ELOVL5: variants seen among roughly 807,000 people sequenced by gnomAD.
ELOVL5 encodes the protein ELOVL fatty acid elongase 5, also known as very long chain fatty acid elongase 5.
ELOVL5 carries 8 observed loss-of-function variants against 38.6 expected under a neutral mutation model. The ratio of observed to expected loss-of-function variants is 0.21; its 90% confidence interval spans 0.12 to 0.37. ELOVL5 has a LOEUF of 0.37. ELOVL5 is among the 10% of genes least tolerant of loss of function. The probability of loss-of-function intolerance (pLI) is 1.00; values close to 1 mark genes in which losing one functional copy is unlikely to be tolerated. For missense variants in ELOVL5, 280 were observed against 367.8 expected, an observed-to-expected ratio of 0.76 and a Z score of 1.95; for synonymous variants, 127 against 133.7, an observed-to-expected ratio of 0.95 and a Z score of 0.34.
chr6:53,292,021 G>T, intron 2 of ELOVL5, 58 bp from the exon 3 acceptor site: 1 of 1,187,032 alleles, frequency 8.4e-7, no homozygotes, highest in Non-Finnish European at 1.2e-6. Context: ...TTCAAACGTT[G>T]AAAAAATTTC....
chr6:53,272,420 A>C (rs908524756), intron 6 of ELOVL5, among the ~76,000 whole-genome samples: 4 of 152,212 alleles, frequency 2.6e-5, no homozygotes, highest in African/African-American at 9.6e-5. Flanking sequence ...TACAGGCGTG[A>C]GCCACTGTGC....
chr6:53,292,458 T>A (rs1043898163), intron 2 of ELOVL5, among the ~76,000 whole-genome samples: 3 of 152,210 alleles, frequency 2.0e-5, no homozygotes, highest in Non-Finnish European at 4.4e-5. Flanking sequence ...GCCTTTGCTA[T>A]GAGTGTAATG....
At chr6:53,273,070 C>T (rs1258989078) in intron 6 of ELOVL5, 150 bp downstream of exon 6, 2 of 813,280 alleles carry the variant, frequency 2.5e-6, no homozygotes, top group Non-Finnish European at 3.8e-6. Context: ...AAGAAAATTC[C>T]CTAATCTACC....
At chr6:53,305,909 G>A (rs9370191) in intron 1 of ELOVL5, among the ~76,000 whole-genome samples, 54,815 of 151,458 alleles carry the variant, frequency 0.36, 10,975 homozygotes, top group African/African-American at 0.55. Flanking sequence ...TCCAGCCTGG[G>A]CACCATTGAG....
At chr6:53,284,005 TAAAAA>T (rs569206590) in intron 3 of ELOVL5, among the ~76,000 whole-genome samples, 1 of 140,890 alleles carries the variant, frequency 7.1e-6, no homozygotes, top group African/African-American at 2.6e-5. Context: ...TTTAGGACCT[TAAAAA>T]AAAAAAAAAG....
Position 53,276,223 on chromosome 6 carries a change from A to T in ELOVL5, c.280T>A (p.Phe94Ile). The T allele has an allele frequency of 6.2e-7, 1 of 1,613,672 alleles. No homozygotes were observed. The highest frequency in any genetic ancestry group is 8.5e-7 in the Non-Finnish European group (1 of 1,179,588). Residue 94 changes from phenylalanine (F) to isoleucine (I), a missense_variant, in exon 4 of 8, where the codon TTC becomes ATC. Physicochemically the swap from Phe to Ile is conservative, Grantham distance 21. This residue lies in a region of ELOVL5 where 150 missense variants were observed against 178.0 expected (regional missense o/e 0.84). Transcript: ENST00000304434. ...VTGVWEGKYNFFCQGTRTAGE... is the reference protein window; with the variant it reads ...VTGVWEGKYNIFCQGTRTAGE... Reference sequence around the variant, plus strand: ...GCGGTGCGTGTGCCCTGACAGAAGAAGTTGTATTTGCCTTCCCATACTCCT... The same window carrying T: ...GCGGTGCGTGTGCCCTGACAGAAGATGTTGTATTTGCCTTCCCATACTCCT...
intron 1 of ELOVL5, among the ~76,000 whole-genome samples, chr6:53,342,165 C>T (rs1312391113): frequency 6.6e-6 from 1 of 151,830 alleles, no homozygotes; most frequent in African/African-American, 2.4e-5. Context: ...CTAACAAATA[C>T]AGCTGATGGA....
chr6:53,348,031 C>T (rs1769642763), intron 1 of ELOVL5, among the ~76,000 whole-genome samples: 1 of 150,340 alleles, frequency 6.7e-6, no homozygotes, highest in South Asian at 2.1e-4. Context: ...CGCCCCCCCG[C>T]CGCGCGCCTC....
At chr6:53,348,605 C>T (rs953256394) in intron 1 of ELOVL5, among the ~76,000 whole-genome samples, 1 of 152,226 alleles carries the variant, frequency 6.6e-6, no homozygotes, top group African/African-American at 2.4e-5. Context: ...ACCCGCACCC[C>T]TTTCCCCGCG....
rs6930524 is a variant in ELOVL5 at position 53,310,619 on chromosome 6, T to A, written c.-8-14912A>T. On this transcript the variant is annotated intron_variant, in intron 1 of 7. Transcript: ENST00000304434. ...GATTTTTTTGTTGATGTTGTTAATT[T>A]GGAGACAGGGTCTCGCTCTGTTCCC... 4.0e-3 allele frequency among the ~76,000 whole-genome samples: 613 copies of A among 152,316 alleles called. 3 individuals carry two copies. Among genetic ancestry groups the A allele is most frequent in the African/African-American group, 0.014 (573 of 41,560 alleles).
At chr6:53,276,817 G>C (rs1275773984) in intron 3 of ELOVL5, among the ~76,000 whole-genome samples, 1 of 151,836 alleles carries the variant, frequency 6.6e-6, no homozygotes, top group Non-Finnish European at 1.5e-5. Flanking sequence ...GTAGGCTCAG[G>C]GATAATTTAG....
At chr6:53,319,807 A>C (rs2127586674) in intron 1 of ELOVL5, among the ~76,000 whole-genome samples, 1 of 152,238 alleles carries the variant, frequency 6.6e-6, no homozygotes, top group East Asian at 1.9e-4. Context: ...CTTATATTTC[A>C]ATATATTACT....
Position 53,333,396 on chromosome 6 carries a change from T to A in ELOVL5, c.-9+15421A>T, listed in dbSNP as rs1453738567. On this transcript the variant is annotated intron_variant, in intron 1 of 7. Transcript: ENST00000304434. Reference sequence around the variant, plus strand: ...GACTGTCTCATTAGAGGAAACTGACTTGATCTGAAGAATGGGGGAAAAAAT... The same window carrying A: ...GACTGTCTCATTAGAGGAAACTGACATGATCTGAAGAATGGGGGAAAAAAT... Among the ~76,000 whole-genome samples the A allele has an allele frequency of 2.0e-5, 3 of 152,178 alleles. No homozygotes were observed. The South Asian group carries it at 6.2e-4, about 31-fold the overall frequency.
intron 1 of ELOVL5, among the ~76,000 whole-genome samples, chr6:53,339,896 T>C (rs1253955655): frequency 6.6e-6 from 1 of 152,216 alleles, no homozygotes; most frequent in Non-Finnish European, 1.5e-5. Flanking sequence ...GGCATTGTTG[T>C]CATAGGAAAT....
chr6:53,275,934 A>T (rs1338025152), intron 4 of ELOVL5, among the ~76,000 whole-genome samples: 1 of 152,244 alleles, frequency 6.6e-6, no homozygotes, highest in East Asian at 1.9e-4. Context: ...TACTGACTGC[A>T]TGTGATTTTT....
At chr6:53,297,142 G>C (rs1767036340) in intron 1 of ELOVL5, among the ~76,000 whole-genome samples, 1 of 151,976 alleles carries the variant, frequency 6.6e-6, no homozygotes, top group Non-Finnish European at 1.5e-5. Context: ...GAAGGCACCA[G>C]CTCCCTGAAG....
intron 6 of ELOVL5, among the ~76,000 whole-genome samples, 155 bp from the exon 7 acceptor site, chr6:53,270,882 C>A (rs567995229): frequency 6.6e-6 from 1 of 152,350 alleles, no homozygotes; most frequent in African/African-American, 2.4e-5. Context: ...ACAACACATA[C>A]ACTATACTTA....
intron 3 of ELOVL5, among the ~76,000 whole-genome samples, chr6:53,279,087 C>T (rs1465080928): frequency 1.3e-5 from 2 of 152,156 alleles, no homozygotes; most frequent in Non-Finnish European, 2.9e-5. Context: ...CTAGCTTTTT[C>T]ACGTTTTGCT....
intron 1 of ELOVL5, among the ~76,000 whole-genome samples, chr6:53,323,618 T>C (rs1768387353): frequency 7.0e-6 from 1 of 142,476 alleles, no homozygotes; most frequent in Admixed American, 7.1e-5. Context: ...GTTTTGCTCT[T>C]GTTGCCCAGG....
Sources: gnomAD v4.1 joint callset for allele counts (sites outside exome capture counted in the v4.1 genomes callset) on GRCh38, gnomAD v4.1.1 for gene constraint, gnomAD v4.1.1 regional missense constraint, MANE v1.5 for transcripts, NCBI Gene and HGNC (gene_info 2026-07-23, HGNC 2026-07-21) for gene names.